The following PGM5 variants were observed in gnomAD, a reference collection of about 807,000 sequenced individuals.
PGM5 encodes the protein phosphoglucomutase-like protein 5.
A neutral mutation model predicts 59.2 loss-of-function variants in PGM5; 23 were observed. The observed-to-expected ratio is 0.39, with a 90% CI of 0.28 to 0.55. PGM5 has a LOEUF of 0.55. Ranked by LOEUF, PGM5 falls within the 20% of genes least tolerant of loss-of-function variation. The probability of loss-of-function intolerance (pLI) is 0.66; values close to 1 mark genes in which losing one functional copy is unlikely to be tolerated. For synonymous variants in PGM5, 214 were observed against 286.0 expected (o/e 0.75, Z 2.54); for missense variants, 574 against 748.3 (o/e 0.77, Z 2.72).
intron 6 of PGM5, among the ~76,000 whole-genome samples, chr9:68,435,459 T>G (rs1268989046): frequency 6.6e-6 from 1 of 152,188 alleles, no homozygotes; most frequent in African/African-American, 2.4e-5. Context: ...ACCACAAATC[T>G]ACTTCCTGTC....
At chr9:68,379,394 C>T (rs1443347476) in intron 2 of PGM5, among the ~76,000 whole-genome samples, 1 of 152,124 alleles carries the variant, frequency 6.6e-6, no homozygotes, top group Non-Finnish European at 1.5e-5. Flanking sequence ...AACTTATTAT[C>T]TATCCCTCCT....
chr9:68,447,187 C>T (rs1426746567), intron 6 of PGM5, among the ~76,000 whole-genome samples: 1 of 152,202 alleles, frequency 6.6e-6, no homozygotes, highest in Non-Finnish European at 1.5e-5. Flanking sequence ...GAGGATCATG[C>T]TCACTGCCAA....
chr9:68,485,374 C>T (rs1824278075), intron 9 of PGM5, among the ~76,000 whole-genome samples: 1 of 152,108 alleles, frequency 6.6e-6, no homozygotes, highest in Admixed American at 6.5e-5. Context: ...TCCCATAATC[C>T]CCACGTGTCA....
chr9:68,428,013 C>G (rs547444818), intron 6 of PGM5, among the ~76,000 whole-genome samples: 1 of 152,268 alleles, frequency 6.6e-6, no homozygotes, highest in East Asian at 1.9e-4. Context: ...AATGTTGTGG[C>G]TTTCCTTTTA....
chr9:68,396,402 A>C lies in PGM5; in HGVS notation c.1043+3929A>C, dbSNP rs768154127. 49 of 152,306 alleles carry C rather than the reference A, an allele frequency of 3.2e-4. 1 individual carries two copies. The highest frequency in any genetic ancestry group is 1.1e-3 in the African/African-American group (46 of 41,576). 9.4% of individuals were successfully genotyped at this position (152,306 alleles called of 1,614,324 possible). ...AATATTGTCCCCTGTGGGCTAGCAA[A>C]TAACTTTCCAAACCATGGCTAGGGG... On this transcript the variant is annotated intron_variant, in intron 6 of 10. Transcript: ENST00000396396.
intron 6 of PGM5, among the ~76,000 whole-genome samples, chr9:68,431,841 C>A (rs1554683055): frequency 6.6e-6 from 1 of 150,950 alleles, no homozygotes; most frequent in African/African-American, 2.4e-5. Flanking sequence ...GTTTGAATAG[C>A]ACTTCATGTA....
intron 6 of PGM5, chr9:68,396,177 G>A (rs1306548680): frequency 6.6e-6 from 1 of 152,004 alleles, no homozygotes; most frequent in East Asian, 1.9e-4. Flanking sequence ...AATTTTATGA[G>A]GTAATTGAGG....
chr9:68,442,607 A>G (rs1008105159), intron 6 of PGM5, among the ~76,000 whole-genome samples: 2 of 152,236 alleles, frequency 1.3e-5, no homozygotes, highest in Non-Finnish European at 2.9e-5. Context: ...CAGAATAGAG[A>G]GTCCAGAAAT....
chr9:68,458,014 G>A (rs1823804964), intron 6 of PGM5, among the ~76,000 whole-genome samples: 4 of 152,032 alleles, frequency 2.6e-5, no homozygotes, highest in Admixed American at 1.3e-4. Flanking sequence ...CTAGACCCTC[G>A]GCAATGTATT....
At chr9:68,438,109 G>A (rs1391871974) in intron 6 of PGM5, among the ~76,000 whole-genome samples, 1 of 151,862 alleles carries the variant, frequency 6.6e-6, no homozygotes, top group East Asian at 1.9e-4. Context: ...GCAACATGGC[G>A]AAACCCTGTC....
At chr9:68,389,855 T>A (rs1459439867) in intron 4 of PGM5, among the ~76,000 whole-genome samples, 1 of 152,132 alleles carries the variant, frequency 6.6e-6, no homozygotes, top group Non-Finnish European at 1.5e-5. Flanking sequence ...TTTGCACCAC[T>A]GGCAATGCAT....
At chr9:68,376,765 ATTTCTTTC>A (rs71353048) in intron 1 of PGM5, among the ~76,000 whole-genome samples, 9,794 of 96,334 alleles carry the variant, frequency 0.1, 711 homozygotes, top group South Asian at 0.12. Context: ...GAGGTTCTGC[ATTTCTTTC>A]TTTCTTTCTT....
At chr9:68,358,838 A>G (rs1180699194) in intron 1 of PGM5, among the ~76,000 whole-genome samples, 1 of 152,092 alleles carries the variant, frequency 6.6e-6, no homozygotes, top group Non-Finnish European at 1.5e-5. Context: ...TTTTGACTCC[A>G]GTAGACAATG....
At chr9:68,527,930 A>C (rs962211376) in intron 10 of PGM5, among the ~76,000 whole-genome samples, 1 of 152,174 alleles carries the variant, frequency 6.6e-6, no homozygotes, top group African/African-American at 2.4e-5. Context: ...CCCTCCCAAC[A>C]AGACTGGCTC....
At chr9:68,479,748 A>G (rs986609009) in intron 8 of PGM5, among the ~76,000 whole-genome samples, 195 bp downstream of exon 8, 2 of 151,936 alleles carry the variant, frequency 1.3e-5, no homozygotes, top group Admixed American at 1.3e-4. Flanking sequence ...TCCCGGCTAA[A>G]ACGGTGAAAC....
chr9:68,473,535 AG>A (rs1693368318), intron 7 of PGM5, among the ~76,000 whole-genome samples: 1 of 152,204 alleles, frequency 6.6e-6, no homozygotes, highest in Admixed American at 6.5e-5. Flanking sequence ...TATTTGTAAA[AG>A]GGGGCTATCA....
intron 8 of PGM5, among the ~76,000 whole-genome samples, 165 bp from the exon 9 acceptor site, chr9:68,483,700 T>C (rs77674122): frequency 0.021 from 3,142 of 152,278 alleles, 43 homozygotes; most frequent in African/African-American, 0.045. Context: ...GGCCGCTGTA[T>C]GGGGAATGGA....
At chr9:68,405,566 CCTT>C (rs1822784777) in intron 6 of PGM5, among the ~76,000 whole-genome samples, 1 of 152,308 alleles carries the variant, frequency 6.6e-6, no homozygotes, top group Non-Finnish European at 1.5e-5. Flanking sequence ...AGCCATCTGT[CCTT>C]CTTTCTCATC....
chr9:68,476,899 A>G (rs1010485755), intron 7 of PGM5, among the ~76,000 whole-genome samples: 25 of 152,188 alleles, frequency 1.6e-4, no homozygotes, highest in African/African-American at 6.0e-4. Context: ...TCTCTAGGTA[A>G]TGTAATCCAG....
Sources: gnomAD v4.1 joint callset for allele counts (sites outside exome capture counted in the v4.1 genomes callset) on GRCh38, gnomAD v4.1.1 for gene constraint, MANE v1.5 for transcripts, NCBI Gene and HGNC (gene_info 2026-07-23, HGNC 2026-07-21) for gene names.